The following SRGAP3 variants were observed in gnomAD, a reference collection of about 807,000 sequenced individuals.
The protein encoded by SRGAP3 is SLIT-ROBO Rho GTPase activating protein 3, also known as SLIT-ROBO Rho GTPase-activating protein 3.
SRGAP3 carries 39 observed loss-of-function variants against 121.1 expected under a neutral mutation model. The observed-to-expected ratio is 0.32, with a 90% CI of 0.25 to 0.42. The LOEUF (loss-of-function observed/expected upper bound fraction) is 0.42, where lower values mean the gene tolerates loss of function less well. Ranked by LOEUF, SRGAP3 falls within the 10% of genes least tolerant of loss-of-function variation. The pLI, the probability that SRGAP3 is intolerant of heterozygous loss-of-function variation, is 1.00. For missense variants in SRGAP3, 1,213 were observed against 1,470.6 expected, an observed-to-expected ratio of 0.82 and a Z score of 2.86; for synonymous variants, 601 against 570.0, an observed-to-expected ratio of 1.05 and a Z score of -0.77.
intron 10 of SRGAP3, among the ~76,000 whole-genome samples, chr3:9,039,277 T>G (rs961327689): frequency 8.5e-5 from 13 of 152,186 alleles, no homozygotes; most frequent in African/African-American, 2.9e-4. Context: ...CAGTTTCTCC[T>G]GTCTCCTCCT....
intron 1 of SRGAP3, among the ~76,000 whole-genome samples, chr3:9,335,535 T>C (rs1161126751): frequency 1.3e-5 from 2 of 152,214 alleles, no homozygotes; most frequent in Non-Finnish European, 2.9e-5. Flanking sequence ...CAGGGAGCCA[T>C]ATCAGGCTCA....
At chr3:9,083,475 G>C (rs1034664683) in intron 3 of SRGAP3, among the ~76,000 whole-genome samples, 1 of 152,152 alleles carries the variant, frequency 6.6e-6, no homozygotes, top group Non-Finnish European at 1.5e-5. Context: ...TAACACAAAT[G>C]GGAGCATATC....
intron 3 of SRGAP3, among the ~76,000 whole-genome samples, chr3:9,298,448 C>A (rs542177212): frequency 6.6e-6 from 1 of 152,250 alleles, no homozygotes; most frequent in African/African-American, 2.4e-5. Flanking sequence ...CATAATGCTG[C>A]CAGAACATTC....
chr3:9,218,820 G>A lies in SRGAP3; in HGVS notation c.67+30065C>T, dbSNP rs1952712524. On this transcript the variant is annotated intron_variant, in intron 1 of 21. Transcript: ENST00000383836. The surrounding 1 kb of genome is among the most constrained non-coding windows in gnomAD (Gnocchi z 5.3). ...CTCTAGTAGCTGGGAATACAGGTGT[G>A]AACCACCACACCTGGCTAATTTTTG... Among the ~76,000 whole-genome samples the A allele has an allele frequency of 6.6e-6, 1 of 151,746 alleles. No homozygotes were observed. Among genetic ancestry groups the A allele is most frequent in the South Asian group, 2.1e-4 (1 of 4,778 alleles).
chr3:8,985,146 A>T lies in SRGAP3; in HGVS notation c.*373T>A. 1 of 344,762 alleles carries T rather than the reference A, an allele frequency of 2.9e-6. No homozygotes were observed. Among genetic ancestry groups the T allele is most frequent in the Non-Finnish European group, 5.3e-6 (1 of 187,346 alleles). The allele number at this position is 344,762 out of a possible 1,614,324, so 21.4% of individuals were successfully genotyped here. A position where few individuals can be genotyped will look rare whatever the true frequency, so the allele number is the denominator to read the frequency against. On this transcript the variant is annotated 3_prime_UTR_variant, in exon 22 of 22. Transcript: ENST00000383836. The surrounding 1 kb of genome is among the most constrained non-coding windows in gnomAD (Gnocchi z 5.1). ...GACACGTACATACGTATACATGTGT[A>T]TATATGCACACATCGATATACACAC...
rs183513091 is a variant in SRGAP3, at chr3:9,312,463, C to G, written n.442+13547G>C. ...TGAGCCACCGCACCTGGCCGAGATTCAATTTTTGACATGTGTCATGCAATG... is the reference window on the plus strand; with the variant it reads ...TGAGCCACCGCACCTGGCCGAGATTGAATTTTTGACATGTGTCATGCAATG... On this transcript the variant is annotated intron_variant and non_coding_transcript_variant, in intron 3 of 3. Transcript: ENST00000490889. 2.6e-4 allele frequency among the ~76,000 whole-genome samples: 40 copies of G among 152,280 alleles called. 1 individual carries two copies. Among genetic ancestry groups the G allele is most frequent in the Admixed American group, 2.4e-3 (36 of 15,294 alleles).
chr3:9,324,614 C>T (rs1575005082), intron 3 of SRGAP3, among the ~76,000 whole-genome samples: 1 of 151,938 alleles, frequency 6.6e-6, no homozygotes, highest in East Asian at 1.9e-4. Flanking sequence ...GGGCCTAGTG[C>T]ATGAGCTCAG....
At chr3:9,194,457 T>C (rs1163635828) in intron 1 of SRGAP3, 4 of 152,362 alleles carry the variant, frequency 2.6e-5, no homozygotes, top group East Asian at 1.9e-4. Context: ...ATTTTTACGA[T>C]TGAGTCTCTA....
chr3:9,093,991 C>T (rs1228582512), intron 3 of SRGAP3, among the ~76,000 whole-genome samples: 2 of 152,184 alleles, frequency 1.3e-5, no homozygotes, highest in African/African-American at 4.8e-5. Context: ...GAACACATCA[C>T]TCAAATTAGA....
At chr3:9,320,974 G>C (rs551566060) in intron 3 of SRGAP3, among the ~76,000 whole-genome samples, 5 of 151,862 alleles carry the variant, frequency 3.3e-5, no homozygotes, top group African/African-American at 1.2e-4. Flanking sequence ...TCTAATTACT[G>C]CCCTTTGAAA....
In SRGAP3 at chr3:8,983,755, A is replaced by G. The variant is rs1395416348; in HGVS notation, c.*1764T>C. 8.7e-6 allele frequency: 2 copies of G among 230,422 alleles called. No homozygotes were observed. The highest frequency in any genetic ancestry group is 4.4e-5 in the African/African-American group (2 of 45,188). 14.3% of individuals were successfully genotyped at this position (230,422 alleles called of 1,614,324 possible). On this transcript the variant is annotated 3_prime_UTR_variant, in exon 22 of 22. Transcript: ENST00000383836. Reference sequence around the variant, plus strand: ...TCCAGTGTACACAGCTTGCTCACTGATGTTTGACCTTTATTACCCTATTTT... The same window carrying G: ...TCCAGTGTACACAGCTTGCTCACTGGTGTTTGACCTTTATTACCCTATTTT...
intron 1 of SRGAP3, among the ~76,000 whole-genome samples, chr3:9,133,624 T>C (rs987235682): frequency 3.3e-5 from 5 of 152,228 alleles, no homozygotes; most frequent in African/African-American, 1.2e-4. Flanking sequence ...AGGTTGTTTA[T>C]AATCTTTTAC....
chr3:9,021,821 G>A (rs978794353), intron 14 of SRGAP3, among the ~76,000 whole-genome samples: 1 of 152,250 alleles, frequency 6.6e-6, no homozygotes, highest in Non-Finnish European at 1.5e-5. Context: ...TGGGGGCAGT[G>A]GCTCACGCCT....
intron 1 of SRGAP3, among the ~76,000 whole-genome samples, chr3:9,155,064 G>A (rs1296192392): frequency 6.6e-6 from 1 of 150,546 alleles, no homozygotes; most frequent in African/African-American, 2.4e-5. Flanking sequence ...AGATGAAGTT[G>A]ATCCTTTAGT....
chr3:9,129,230 C>G (rs1331200597), intron 1 of SRGAP3, among the ~76,000 whole-genome samples: 1 of 151,802 alleles, frequency 6.6e-6, no homozygotes, highest in Non-Finnish European at 1.5e-5. Context: ...CCACCCATCC[C>G]TCCCCACAAC....
intron 9 of SRGAP3, among the ~76,000 whole-genome samples, chr3:9,047,784 G>A (rs975600217): frequency 6.6e-6 from 1 of 152,194 alleles, no homozygotes; most frequent in African/African-American, 2.4e-5. Context: ...AAGGGCCACG[G>A]GGAGACAAAG....
intron 3 of SRGAP3, among the ~76,000 whole-genome samples, chr3:9,089,106 A>G (rs1947628021): frequency 6.6e-6 from 1 of 151,912 alleles, no homozygotes; most frequent in Non-Finnish European, 1.5e-5. Flanking sequence ...GGCACTAACG[A>G]CACAAAGCTG....
chr3:9,224,925 G>T (rs145756319), intron 1 of SRGAP3, among the ~76,000 whole-genome samples: 11 of 152,290 alleles, frequency 7.2e-5, no homozygotes, highest in Admixed American at 2.0e-4. Context: ...GTCAAACAGC[G>T]TGGAAGTCTA....
chr3:9,111,968 G>A (rs1037293737), intron 2 of SRGAP3, among the ~76,000 whole-genome samples: 2 of 152,154 alleles, frequency 1.3e-5, no homozygotes, highest in Admixed American at 1.3e-4. Flanking sequence ...GAACATTTCT[G>A]GTGAGTCACA....
Sources: gnomAD v4.1 joint callset for allele counts (sites outside exome capture counted in the v4.1 genomes callset) on GRCh38, gnomAD v4.1.1 for gene constraint, Gnocchi (gnomAD v3.1) non-coding constraint, MANE v1.5 for transcripts, NCBI Gene and HGNC (gene_info 2026-07-23, HGNC 2026-07-21) for gene names.